Variants in GRIK1 observed in about 807,000 individuals in gnomAD.
GRIK1 encodes glutamate receptor ionotropic, kainate 1.
Under a neutral mutation model 105.7 loss-of-function variants are expected in GRIK1, and 69 were observed. The ratio of observed to expected loss-of-function variants is 0.65; its 90% CI spans 0.54 to 0.80. The LOEUF (loss-of-function observed/expected upper bound fraction) is 0.80, where lower values mean the gene tolerates loss of function less well. Ranked by LOEUF, GRIK1 falls within the 30% of genes least tolerant of loss-of-function variation. GRIK1 has a pLI of 0.00. For missense variants in GRIK1, 1,109 were observed against 1,167.3 expected (o/e 0.95, Z 0.73); for synonymous variants, 438 against 431.3 (o/e 1.02, Z -0.19).
intron 7 of GRIK1, among the ~76,000 whole-genome samples, chr21:29,620,875 T>A (rs1214804257): frequency 2.0e-5 from 3 of 147,186 alleles, no homozygotes; most frequent in African/African-American, 7.4e-5. Context: ...ATATATTATT[T>A]CCTAGAGCAA....
At chr21:29,777,331 A>G (rs2065972724) in intron 1 of GRIK1, among the ~76,000 whole-genome samples, 1 of 152,148 alleles carries the variant, frequency 6.6e-6, no homozygotes, top group Non-Finnish European at 1.5e-5. Context: ...AGGGCTCTAG[A>G]ATTTATATTA....
In GRIK1 at chr21:29,745,885, C is replaced by T. The variant is rs184009161; in HGVS notation, c.119-51822G>A. Among the ~76,000 whole-genome samples, 88 of 152,228 alleles carry T rather than the reference C, an allele frequency of 5.8e-4. 2 individuals are homozygous for T. The East Asian group carries it at 0.014, about 23-fold the overall frequency. ...TTGGGAGGCCAAGGCGGGGGGATCA[C>T]GAGGTCAGGAGATCGAGACCATCCT... On this transcript the variant is annotated intron_variant, in intron 1 of 17. Transcript: ENST00000327783.
intron 7 of GRIK1, among the ~76,000 whole-genome samples, chr21:29,606,024 A>G (rs1409706452): frequency 2.6e-5 from 4 of 152,040 alleles, no homozygotes; most frequent in Admixed American, 1.3e-4. Flanking sequence ...GAAGCAAAAA[A>G]AAAAAAAAAA....
chr21:29,641,391 A>AG (rs35466506), intron 7 of GRIK1, among the ~76,000 whole-genome samples: 63 of 146,566 alleles, frequency 4.3e-4, no homozygotes, highest in African/African-American at 1.2e-3. Flanking sequence ...GCCACCATGT[A>AG]GACATGCCTT....
At chr21:29,654,245 T>C (rs1400475797) in intron 5 of GRIK1, among the ~76,000 whole-genome samples, 6 of 152,230 alleles carry the variant, frequency 3.9e-5, no homozygotes. Context: ...GATCAGATAG[T>C]CTCTCAAAAT....
At chr21:29,846,463 GAGAAAGAAAGAA>G (rs56303585) in intron 1 of GRIK1, among the ~76,000 whole-genome samples, 31,842 of 127,680 alleles carry the variant, frequency 0.25, 4,321 homozygotes, top group Non-Finnish European at 0.31. Flanking sequence ...GAAAGAGAGA[GAGAAAGAAAGAA>G]AGAAAGAAAG....
chr21:29,678,382 C>T (rs1376395249), intron 3 of GRIK1, among the ~76,000 whole-genome samples: 1 of 151,996 alleles, frequency 6.6e-6, no homozygotes, highest in Non-Finnish European at 1.5e-5. Context: ...GGAGTCTTCC[C>T]AAAAGAAAAA....
intron 1 of GRIK1, among the ~76,000 whole-genome samples, chr21:29,859,090 T>C (rs1028688504): frequency 2.6e-5 from 4 of 151,672 alleles, no homozygotes; most frequent in Admixed American, 1.3e-4. Context: ...GAAACCATCA[T>C]TCTCAGCAAA....
In GRIK1 at chr21:29,806,362, T is replaced by A. The variant is rs537657917; in HGVS notation, c.119-112299A>T. 2.2e-4 allele frequency among the ~76,000 whole-genome samples: 33 copies of A among 152,184 alleles called. 1 individual carries two copies. In the East Asian group the frequency reaches 6.4e-3, roughly 29 times the overall value. ...ATCCAATTAAGTTACAAAGCTTTTT[T>A]TTTTCTCTCAATACAAAACCCTACA... is the stretch of plus-strand genomic sequence containing the variant. On this transcript the variant is annotated intron_variant, in intron 1 of 17. Coordinates refer to ENST00000327783, the MANE Select transcript of GRIK1 (RefSeq NM_001330994.2).
At chr21:29,810,340 G>A (rs2066977775) in intron 1 of GRIK1, among the ~76,000 whole-genome samples, 1 of 151,500 alleles carries the variant, frequency 6.6e-6, no homozygotes, top group Non-Finnish European at 1.5e-5. Flanking sequence ...ACAGATCACC[G>A]TAACAAACTG....
intron 7 of GRIK1, among the ~76,000 whole-genome samples, chr21:29,604,023 C>A (rs927934149): frequency 1.3e-5 from 2 of 152,118 alleles, no homozygotes; most frequent in Admixed American, 6.5e-5. Flanking sequence ...TGAAAATGTA[C>A]AGAATTGGTA....
At chr21:29,751,760 T>G (rs2065208690) in intron 1 of GRIK1, among the ~76,000 whole-genome samples, 1 of 152,190 alleles carries the variant, frequency 6.6e-6, no homozygotes, top group Admixed American at 6.5e-5. Context: ...GTACATCTGA[T>G]TTTTACATAG....
At chr21:29,657,112 T>C (rs1480084262) in intron 4 of GRIK1, among the ~76,000 whole-genome samples, 1 of 152,218 alleles carries the variant, frequency 6.6e-6, no homozygotes, top group African/African-American at 2.4e-5. Flanking sequence ...ATCCTATTTT[T>C]CACTTTGGTC....
chr21:29,686,994 G>C (rs1439739515), intron 3 of GRIK1, among the ~76,000 whole-genome samples: 1 of 152,172 alleles, frequency 6.6e-6, no homozygotes, highest in Non-Finnish European at 1.5e-5. Context: ...GGTGACTAAC[G>C]GGAAGGACAT....
chr21:29,730,137 A>G (rs188308829), intron 1 of GRIK1, among the ~76,000 whole-genome samples: 8 of 152,336 alleles, frequency 5.3e-5, no homozygotes, highest in African/African-American at 1.7e-4. Flanking sequence ...TTAAATCCCT[A>G]GTTGGCCAGT....
chr21:29,821,816 G>T (rs1306842458), intron 1 of GRIK1, among the ~76,000 whole-genome samples: 2 of 151,930 alleles, frequency 1.3e-5, no homozygotes, highest in Non-Finnish European at 2.9e-5. Context: ...GGTTGTAAGT[G>T]ATAAAATAGA....
At position 29,939,501 on chromosome 21, in the gene GRIK1, C is replaced by T. The variant is rs1185320291; in HGVS notation, c.-1G>A. The T allele has an allele frequency of 1.9e-6, 3 of 1,555,780 alleles. No homozygotes were observed. The highest frequency in any genetic ancestry group is 1.4e-5 in the African/African-American group (1 of 71,548). ...GGGCGAGGAGTGTGCCGTGCTCCAT[C>T]TTCCTAGCTTCTTAATTCATGCCGA... On this transcript the variant is annotated 5_prime_UTR_variant, in exon 1 of 18. Coordinates refer to ENST00000327783, the MANE Select transcript of GRIK1 (RefSeq NM_001330994.2).
At chr21:29,832,133 C>T (rs55694829) in intron 1 of GRIK1, among the ~76,000 whole-genome samples, 9,447 of 152,250 alleles carry the variant, frequency 0.062, 450 homozygotes, top group Non-Finnish European at 0.095. Context: ...TGTCTCACAT[C>T]CAGGCCACAC....
At chr21:29,802,929 C>T (rs1285940384) in intron 1 of GRIK1, among the ~76,000 whole-genome samples, 1 of 152,158 alleles carries the variant, frequency 6.6e-6, no homozygotes, top group Non-Finnish European at 1.5e-5. Flanking sequence ...GGATGCATGG[C>T]TGAAATGTGC....
Sources: allele counts gnomAD v4.1 joint callset (sites outside exome capture counted in the v4.1 genomes callset), GRCh38; gene constraint gnomAD v4.1.1; transcripts MANE v1.5; gene names NCBI Gene and HGNC (gene_info 2026-07-23, HGNC 2026-07-21).